ELP4: variants seen among roughly 807,000 people sequenced by gnomAD.
The protein encoded by ELP4 is elongator acetyltransferase complex subunit 4.
In ELP4, 51 loss-of-function variants were observed where a neutral mutation model predicts 48.9. The observed-to-expected ratio is 1.04, with a 90% CI of 0.83 to 1.32. The LOEUF (loss-of-function observed/expected upper bound fraction) is 1.32. Ranked by LOEUF, ELP4 falls within the 40% of genes most tolerant of loss-of-function variation. ELP4 has a pLI of 0.00. For synonymous variants in ELP4, 210 were observed against 189.2 expected (o/e 1.11, Z -0.90); for missense variants, 519 against 514.6 (o/e 1.01, Z -0.08).
At position 31,563,440 on chromosome 11, in the gene ELP4, G is replaced by A. The variant is rs148555991; in HGVS notation, c.381+23657G>A. Among the ~76,000 whole-genome samples, 11 of 152,166 alleles carry A rather than the reference G, an allele frequency of 7.2e-5. 1 individual carries two copies. Among genetic ancestry groups the A allele is most frequent in the African/African-American group, 2.6e-4 (11 of 41,526 alleles). ...ACAAAGACCACAAAATAATATAGCA[G>A]TAAGAACAGAAAGAGCTTGGAATGA... On this transcript the variant is annotated intron_variant, in intron 3 of 9. Coordinates refer to ENST00000640961, the MANE Select transcript of ELP4 (RefSeq NM_019040.5).
intron 2 of ELP4, among the ~76,000 whole-genome samples, chr11:31,534,520 A>G (rs1956468346): frequency 6.6e-6 from 1 of 152,170 alleles, no homozygotes; most frequent in African/African-American, 2.4e-5. Context: ...TGTATGGTTC[A>G]TAAGTTTTCT....
At chr11:31,762,716 T>C (rs1947967800) in intron 9 of ELP4, among the ~76,000 whole-genome samples, 2 of 151,722 alleles carry the variant, frequency 1.3e-5, no homozygotes, top group Admixed American at 1.3e-4. Context: ...AAAATATAGA[T>C]TTTTTTATAT....
intron 9 of ELP4, among the ~76,000 whole-genome samples, chr11:31,727,439 T>A (rs1947098638): frequency 5.3e-5 from 8 of 152,170 alleles, no homozygotes. Context: ...GAATAGAAGA[T>A]AAGGTTACCA....
intron 9 of ELP4, among the ~76,000 whole-genome samples, chr11:31,675,729 G>C (rs1375180458): frequency 6.6e-6 from 1 of 151,996 alleles, no homozygotes. Flanking sequence ...AAACTCTATA[G>C]TTATACAATC....
intron 1 of ELP4, among the ~76,000 whole-genome samples, chr11:31,519,460 C>A (rs1029534961): frequency 6.6e-6 from 1 of 152,058 alleles, no homozygotes; most frequent in Non-Finnish European, 1.5e-5. Flanking sequence ...TCCTTAACCA[C>A]AGTTAGGTTG....
At chr11:31,766,937 C>T (rs1212626667) in intron 9 of ELP4, among the ~76,000 whole-genome samples, 1 of 152,018 alleles carries the variant, frequency 6.6e-6, no homozygotes, top group Admixed American at 6.6e-5. Flanking sequence ...AAAGGAAAAA[C>T]TCATTTTTTC....
chr11:31,780,476 C>A (rs952265012), intron 9 of ELP4, among the ~76,000 whole-genome samples: 1 of 152,086 alleles, frequency 6.6e-6, no homozygotes, highest in Admixed American at 6.5e-5. Flanking sequence ...TTCCAAGAGC[C>A]ATCCTTGGGC....
chr11:31,747,498 A>G (rs1193407879), intron 9 of ELP4, among the ~76,000 whole-genome samples: 3 of 152,202 alleles, frequency 2.0e-5, no homozygotes, highest in Non-Finnish European at 4.4e-5. Context: ...AAAGGACTAG[A>G]TGGAATTTTA....
At position 31,636,323 on chromosome 11, in the gene ELP4, A is replaced by G. The variant is rs139241320; in HGVS notation, c.927+3918A>G. On this transcript the variant is annotated intron_variant, in intron 7 of 9. Coordinates refer to ENST00000640961, the MANE Select transcript of ELP4 (RefSeq NM_019040.5). The stretch of plus-strand genomic sequence containing the variant: ...GATATCCTTGAAAATTTTATCATAC[A>G]TATAGTTGGGTATGTATAGATAATA... Among the ~76,000 whole-genome samples the G allele has an allele frequency of 7.5e-3, 1,141 of 152,098 alleles. 18 individuals carry two copies. Among genetic ancestry groups the G allele is most frequent in the African/African-American group, 0.024 (997 of 41,538 alleles).
intron 2 of ELP4, among the ~76,000 whole-genome samples, chr11:31,532,894 C>T (rs1956421163): frequency 1.3e-5 from 2 of 150,832 alleles, no homozygotes; most frequent in Admixed American, 1.3e-4. Context: ...GCCTCAGCCT[C>T]CCAAGTAGCT....
intron 4 of ELP4, among the ~76,000 whole-genome samples, chr11:31,597,728 C>T (rs1463918810): frequency 6.6e-6 from 1 of 151,718 alleles, no homozygotes; most frequent in Non-Finnish European, 1.5e-5. Context: ...CCCACCACCA[C>T]GCCAGGCTAG....
At chr11:31,738,241 A>G (rs1947364334) in intron 9 of ELP4, among the ~76,000 whole-genome samples, 1 of 149,308 alleles carries the variant, frequency 6.7e-6, no homozygotes, top group Non-Finnish European at 1.5e-5. Flanking sequence ...CCAAAAAAAA[A>G]AAAAAAAAAA....
At chr11:31,666,038 TCA>T (rs1945667848) in intron 9 of ELP4, among the ~76,000 whole-genome samples, 1 of 138,416 alleles carries the variant, frequency 7.2e-6, no homozygotes, top group East Asian at 2.1e-4. Context: ...TGACAGAGTT[TCA>T]CTCTGTCCCC....
Position 31,509,867 on chromosome 11 carries a change from G to C in ELP4, c.83G>C (p.Ser28Thr). Residue 28 changes from serine to threonine, a missense_variant, in exon 1 of 10, where the codon AGT becomes ACT. Physicochemically the swap from Ser to Thr is moderately conservative, Grantham distance 58. Coordinates refer to ENST00000640961, the MANE Select transcript of ELP4 (RefSeq NM_019040.5). The part of the protein sequence containing the change: ...VATASKSNVT[S>T]FQRRGPRASV... ...ACAGCCAGCAAGAGCAACGTCACCA[G>C]TTTCCAGAGGAGGGGTCCTAGAGCC... The C allele has an allele frequency of 1.2e-6, 2 of 1,614,194 alleles. No individual in the cohort carries two copies. Among genetic ancestry groups the C allele is most frequent in the Non-Finnish European group, 1.7e-6 (2 of 1,180,040 alleles).
intron 9 of ELP4, among the ~76,000 whole-genome samples, chr11:31,669,704 A>G (rs1423435461): frequency 1.3e-5 from 2 of 152,146 alleles, no homozygotes; most frequent in African/African-American, 4.8e-5. Flanking sequence ...CGTATTAAAC[A>G]TATGTGGAAT....
intron 5 of ELP4, among the ~76,000 whole-genome samples, chr11:31,605,769 G>A (rs1262849707): frequency 6.6e-6 from 1 of 152,074 alleles, no homozygotes; most frequent in Non-Finnish European, 1.5e-5. Context: ...TCTCCCAGAC[G>A]TTTGAATATG....
intron 4 of ELP4, chr11:31,600,450 C>G (rs1957761271): frequency 6.6e-6 from 1 of 152,144 alleles, no homozygotes; most frequent in Admixed American, 6.6e-5. Flanking sequence ...CATTGACTTT[C>G]TATCTTAGTG....
At chr11:31,626,990 AT>A in intron 5 of ELP4, 119 bp from the exon 6 acceptor site, 1 of 578,046 alleles carries the variant, frequency 1.7e-6, no homozygotes, top group Non-Finnish European at 3.1e-6. Flanking sequence ...CTGTTTTGAC[AT>A]TCTTAAGTAA....
intron 4 of ELP4, among the ~76,000 whole-genome samples, chr11:31,597,022 C>G (rs1957681222): frequency 6.6e-6 from 1 of 152,058 alleles, no homozygotes; most frequent in South Asian, 2.1e-4. Context: ...ATGGGGGAAG[C>G]TGATACTCAT....
Sources: allele counts gnomAD v4.1 joint callset (sites outside exome capture counted in the v4.1 genomes callset), GRCh38; gene constraint gnomAD v4.1.1; transcripts MANE v1.5; gene names NCBI Gene and HGNC (gene_info 2026-07-23, HGNC 2026-07-21).